LRRC8D: variants seen among roughly 807,000 people sequenced by gnomAD.
The protein encoded by LRRC8D is volume-regulated anion channel subunit LRRC8D.
A neutral mutation model predicts 55.8 loss-of-function variants in LRRC8D; 20 were observed. The ratio of observed to expected loss-of-function variants is 0.36; its 90% CI spans 0.25 to 0.52. The LOEUF (loss-of-function observed/expected upper bound fraction) is 0.52, where lower values mean the gene tolerates loss of function less well. Among genes scored for constraint, LRRC8D ranks in the 20% least tolerant of loss-of-function variants. LRRC8D has a pLI of 0.93. For synonymous variants in LRRC8D, 352 were observed against 377.0 expected (o/e 0.93, Z 0.77); for missense variants, 651 against 1,030.8 (o/e 0.63, Z 5.05).
chr1:89,883,116 G>A (rs1312794673), intron 2 of LRRC8D, among the ~76,000 whole-genome samples: 1 of 152,080 alleles, frequency 6.6e-6, no homozygotes, highest in Non-Finnish European at 1.5e-5. Flanking sequence ...ATCCCTTGAG[G>A]CCAGGAGTTT....
intron 2 of LRRC8D, among the ~76,000 whole-genome samples, chr1:89,843,999 G>A (rs1661210761): frequency 6.6e-6 from 1 of 152,244 alleles, no homozygotes; most frequent in South Asian, 2.1e-4. Flanking sequence ...GGAGCCGCCT[G>A]CGAGGACTCC....
At chr1:89,923,866 G>T (rs1663486423) in intron 2 of LRRC8D, among the ~76,000 whole-genome samples, 1 of 152,152 alleles carries the variant, frequency 6.6e-6, no homozygotes, top group Non-Finnish European at 1.5e-5. Flanking sequence ...TGGAATAACT[G>T]GCTAGCCTTA....
At chr1:89,871,389 T>A (rs939464921) in intron 2 of LRRC8D, among the ~76,000 whole-genome samples, 11 of 152,334 alleles carry the variant, frequency 7.2e-5, no homozygotes, top group Middle Eastern at 3.4e-3. Flanking sequence ...ACACAAGCAC[T>A]TTTTTGGTAA....
chr1:89,827,056 A>G (rs1660781804), intron 1 of LRRC8D, among the ~76,000 whole-genome samples: 1 of 152,198 alleles, frequency 6.6e-6, no homozygotes, highest in Non-Finnish European at 1.5e-5. Context: ...AGGCTTCATC[A>G]AAAAGATTTT....
rs1441178480 is a variant in LRRC8D at position 89,934,037 on chromosome 1, C to T, written c.969C>T (p.Leu323=). Residue 323 remains leucine (L), a synonymous_variant, in exon 3 of 3, where the codon CTC becomes CTT. Transcript: ENST00000337338. This position sits in a 1 kb window ranked among gnomAD's most constrained non-coding sequence, Gnocchi z 5.9. ...AAACAGCCAAGTTCATTTTTATTCT[C>T]TGCTATACAGCGAACTTTGTCAACG... ...VIKTAKFIFI[L]CYTANFVNAI... is the part of the protein sequence containing the mutation. The T allele has an allele frequency of 6.2e-7, 1 of 1,614,090 alleles. No individual in the cohort carries two copies. The highest frequency in any genetic ancestry group is 8.5e-7 in the Non-Finnish European group (1 of 1,180,050).
At chr1:89,895,053 C>G (rs1662671959) in intron 2 of LRRC8D, among the ~76,000 whole-genome samples, 1 of 151,974 alleles carries the variant, frequency 6.6e-6, no homozygotes, top group Non-Finnish European at 1.5e-5. Context: ...GTCTCAGTGC[C>G]TACAGTGAGC....
intron 2 of LRRC8D, among the ~76,000 whole-genome samples, chr1:89,909,046 CTGTG>C (rs899110558): frequency 6.6e-6 from 1 of 151,462 alleles, no homozygotes; most frequent in African/African-American, 2.4e-5. Flanking sequence ...GTCTGTGTGT[CTGTG>C]TGTGTGTCTG....
At chr1:89,921,911 T>C (rs1663429471) in intron 2 of LRRC8D, among the ~76,000 whole-genome samples, 1 of 152,168 alleles carries the variant, frequency 6.6e-6, no homozygotes. Flanking sequence ...TTTTATTGCT[T>C]ATAACAATCT....
At chr1:89,833,894 TC>T (rs1660942938) in intron 1 of LRRC8D, 1 of 152,192 alleles carries the variant, frequency 6.6e-6, no homozygotes, top group African/African-American at 2.4e-5. Flanking sequence ...TGGCCCAAAT[TC>T]CTTTTCCTTG....
intron 2 of LRRC8D, among the ~76,000 whole-genome samples, chr1:89,893,295 G>A (rs1250282640): frequency 6.6e-6 from 1 of 152,190 alleles, no homozygotes; most frequent in East Asian, 1.9e-4. Context: ...CTGAGATACA[G>A]GTGAGCTTGG....
intron 2 of LRRC8D, among the ~76,000 whole-genome samples, chr1:89,891,012 G>T (rs941172741): frequency 3.3e-5 from 5 of 152,156 alleles, no homozygotes; most frequent in Non-Finnish European, 7.3e-5. Context: ...TTCCTGAGTA[G>T]CTGGGACTGC....
intron 2 of LRRC8D, among the ~76,000 whole-genome samples, chr1:89,857,230 A>G (rs1661581048): frequency 6.6e-6 from 1 of 151,982 alleles, no homozygotes; most frequent in African/African-American, 2.4e-5. Flanking sequence ...TAAAAAATAG[A>G]AAATTAGCCG....
intron 2 of LRRC8D, among the ~76,000 whole-genome samples, chr1:89,867,509 A>G (rs560037669): frequency 6.6e-6 from 1 of 152,300 alleles, no homozygotes; most frequent in Non-Finnish European, 1.5e-5. Context: ...TTATTTACCC[A>G]TTCTCATAGA....
rs1663840703 is a variant in LRRC8D at position 89,935,835 on chromosome 1, A to G, written c.*190A>G. The G allele has an allele frequency of 4.3e-6, 2 of 469,072 alleles. No homozygotes were observed. Among genetic ancestry groups the G allele is most frequent in the Non-Finnish European group, 3.7e-6 (1 of 268,580 alleles). The allele number at this position is 469,072 out of a possible 1,614,324, so 29.1% of individuals were successfully genotyped here. A position where few individuals can be genotyped will look rare whatever the true frequency, so the allele number is the denominator to read the frequency against. On this transcript the variant is annotated 3_prime_UTR_variant, in exon 3 of 3. Transcript: ENST00000337338. ...ATGTTTGTAGGGTTTTAAGTCATTC[A>G]TTTCCAAATCATTTTTTTTTTTCTT... is the stretch of plus-strand genomic sequence containing the variant.
intron 1 of LRRC8D, among the ~76,000 whole-genome samples, chr1:89,838,112 C>T (rs1442853943): frequency 6.6e-6 from 1 of 151,476 alleles, no homozygotes; most frequent in Non-Finnish European, 1.5e-5. Flanking sequence ...GTAATCCCAG[C>T]ACTTTGGGAG....
chr1:89,842,786 T>C (rs1220676906), intron 1 of LRRC8D, among the ~76,000 whole-genome samples: 2 of 152,176 alleles, frequency 1.3e-5, no homozygotes, highest in Non-Finnish European at 2.9e-5. Context: ...ACAAAATGAA[T>C]GAATGTAATC....
intron 1 of LRRC8D, among the ~76,000 whole-genome samples, chr1:89,841,926 T>C (rs556841880): frequency 6.6e-6 from 1 of 152,228 alleles, no homozygotes; most frequent in East Asian, 1.9e-4. Context: ...GAATTCATGA[T>C]CATTGGCCAG....
intron 2 of LRRC8D, among the ~76,000 whole-genome samples, chr1:89,861,842 T>A (rs1661727149): frequency 6.6e-6 from 1 of 152,194 alleles, no homozygotes; most frequent in South Asian, 2.1e-4. Context: ...AAGTTTCTGT[T>A]TTTGGAGCCA....
Position 89,936,355 on chromosome 1 carries a change from G to C in LRRC8D, c.*710G>C, listed in dbSNP as rs376003156. On this transcript the variant is annotated 3_prime_UTR_variant, in exon 3 of 3. Coordinates refer to ENST00000337338, the MANE Select transcript of LRRC8D (RefSeq NM_001134479.2). The stretch of plus-strand genomic sequence containing the variant: ...CATAGTTTGGAGTTCTGATTATATG[G>C]TACATTTTTCTACCAGTAATATAGG... The C allele has an allele frequency of 1.2e-5, 2 of 166,720 alleles. No individual in the cohort carries two copies. The highest frequency in any genetic ancestry group is 1.3e-4 in the Admixed American group (2 of 15,270). 10.3% of individuals were successfully genotyped at this position (166,720 alleles called of 1,614,324 possible). A position where few individuals can be genotyped will look rare whatever the true frequency, so the allele number is the denominator to read the frequency against.
Sources: allele counts gnomAD v4.1 joint callset (sites outside exome capture counted in the v4.1 genomes callset), GRCh38; gene constraint gnomAD v4.1.1; non-coding constraint Gnocchi (gnomAD v3.1); transcripts MANE v1.5; gene names NCBI Gene and HGNC (gene_info 2026-07-23, HGNC 2026-07-21).